Variants in SEMA3A observed in about 807,000 individuals in gnomAD.
SEMA3A encodes semaphorin-3A.
In SEMA3A, 29 loss-of-function variants were observed where a neutral mutation model predicts 97.9. The observed-to-expected ratio is 0.30, with a 90% confidence interval of 0.22 to 0.40. The LOEUF is 0.40. SEMA3A is among the 10% of genes least tolerant of loss of function. The pLI, the probability that SEMA3A is intolerant of heterozygous loss-of-function variation, is 1.00. For missense variants in SEMA3A, 763 were observed against 951.3 expected (o/e 0.80, Z 2.60); for synonymous variants, 321 against 323.7 (o/e 0.99, Z 0.09).
intron 3 of SEMA3A, among the ~76,000 whole-genome samples, chr7:84,271,987 GT>G (rs943016692): frequency 1.3e-5 from 2 of 152,022 alleles, no homozygotes; most frequent in African/African-American, 4.8e-5. Flanking sequence ...GCCACCGTCT[GT>G]TTTTCTCACC....
At chr7:83,963,403 T>A in intron 15 of SEMA3A, 56 bp from the exon 16 acceptor site, 9 of 1,556,040 alleles carry the variant, frequency 5.8e-6, no homozygotes, top group Non-Finnish European at 7.9e-6. Flanking sequence ...ATTTCAACTT[T>A]CCAAAGTTTT....
chr7:84,258,759 G>A (rs950382044), intron 3 of SEMA3A, among the ~76,000 whole-genome samples: 9 of 152,122 alleles, frequency 5.9e-5, no homozygotes, highest in African/African-American at 2.2e-4. Context: ...AGAAAATGGT[G>A]CAATCAAAAT....
chr7:84,246,021 G>T (rs1799468661), intron 3 of SEMA3A, among the ~76,000 whole-genome samples: 1 of 152,192 alleles, frequency 6.6e-6, no homozygotes, highest in Admixed American at 6.5e-5. Flanking sequence ...CCCTGACTGG[G>T]GCTGCTGCCT....
At chr7:84,306,591 A>G (rs946327729) in intron 3 of SEMA3A, 4 of 152,146 alleles carry the variant, frequency 2.6e-5, no homozygotes, top group East Asian at 3.9e-4. Context: ...ACTTTATACA[A>G]TGAAATGAAT....
chr7:84,102,300 G>A (rs1350109046), intron 4 of SEMA3A, among the ~76,000 whole-genome samples: 1 of 152,076 alleles, frequency 6.6e-6, no homozygotes, highest in Non-Finnish European at 1.5e-5. Flanking sequence ...AGAGTTTCTT[G>A]ACTTATTTTT....
rs188145813 is a variant in SEMA3A at position 84,424,501 on chromosome 7, A to T, written c.-245-52601T>A. Among the ~76,000 whole-genome samples the T allele has an allele frequency of 2.1e-3, 204 of 98,560 alleles. 1 individual carries two copies. The highest frequency in any genetic ancestry group is 8.8e-3 in the African/African-American group (203 of 23,136). The allele number at this position is 98,560 out of a possible 152,430, so 64.7% of individuals were successfully genotyped here. ...TATAATATATTGATATATAATATAT[A>T]ATATATAAATATTAATATATGTTAT... On this transcript the variant is annotated intron_variant, in intron 1 of 3. Coordinates refer to the SEMA3A transcript ENST00000424555.
At chr7:84,140,840 G>A (rs559490906) in intron 1 of SEMA3A, among the ~76,000 whole-genome samples, 1 of 152,020 alleles carries the variant, frequency 6.6e-6, no homozygotes, top group Non-Finnish European at 1.5e-5. Context: ...CAAAAGCAAG[G>A]ACTATTTGCT....
At chr7:84,103,903 G>A (rs13236641) in intron 4 of SEMA3A, among the ~76,000 whole-genome samples, 65,019 of 151,790 alleles carry the variant, frequency 0.43, 15,007 homozygotes, top group Admixed American at 0.53. Flanking sequence ...AATTAATGGA[G>A]GCTTTTATGA....
intron 4 of SEMA3A, among the ~76,000 whole-genome samples, chr7:84,084,262 A>G (rs987066945): frequency 1.3e-5 from 2 of 152,116 alleles, no homozygotes; most frequent in African/African-American, 4.8e-5. Flanking sequence ...AGCTGATTAT[A>G]AAGGCCAATG....
intron 1 of SEMA3A, among the ~76,000 whole-genome samples, chr7:84,397,063 A>T (rs912310575): frequency 5.9e-5 from 9 of 152,082 alleles, no homozygotes; most frequent in African/African-American, 2.2e-4. Context: ...ACAAAAATAA[A>T]ATCTTGATTT....
chr7:84,348,389 G>A (rs1351484986), intron 2 of SEMA3A, among the ~76,000 whole-genome samples: 3 of 151,960 alleles, frequency 2.0e-5, no homozygotes, highest in Non-Finnish European at 4.4e-5. Flanking sequence ...TAACATTTCT[G>A]TTTACCTTTT....
chr7:84,261,548 T>A (rs898335245), intron 3 of SEMA3A, among the ~76,000 whole-genome samples: 1 of 152,190 alleles, frequency 6.6e-6, no homozygotes. Context: ...CATCCAGACA[T>A]GGGTGCCCAC....
intron 1 of SEMA3A, among the ~76,000 whole-genome samples, chr7:84,421,261 A>C (rs1425303828): frequency 6.6e-6 from 1 of 152,058 alleles, no homozygotes; most frequent in East Asian, 1.9e-4. Context: ...TCAAACAAAA[A>C]TTTTATATCC....
chr7:84,363,377 G>A lies in SEMA3A; in HGVS notation c.-169+8447C>T, dbSNP rs75639881. ...ACTGCTTTTTCACTCTCGGACATTCGAAAATATATACCCAGGTGCCTTTGC... is the reference window on the plus strand; with the variant it reads ...ACTGCTTTTTCACTCTCGGACATTCAAAAATATATACCCAGGTGCCTTTGC... On this transcript the variant is annotated intron_variant, in intron 2 of 3. Coordinates refer to the SEMA3A transcript ENST00000424555. 0.015 allele frequency among the ~76,000 whole-genome samples: 2,206 copies of A among 151,900 alleles called. 95 individuals are homozygous for A. In the East Asian group the frequency reaches 0.15, roughly 11 times the overall value.
intron 12 of SEMA3A, among the ~76,000 whole-genome samples, chr7:83,994,339 C>T (rs1319587588): frequency 8.5e-6 from 1 of 118,076 alleles, no homozygotes; most frequent in Non-Finnish European, 1.8e-5. Context: ...CTCCATCCAG[C>T]TTTGTTCCGT....
intron 4 of SEMA3A, among the ~76,000 whole-genome samples, chr7:84,084,108 T>C (rs1357808814): frequency 6.6e-6 from 1 of 152,068 alleles, no homozygotes; most frequent in African/African-American, 2.4e-5. Flanking sequence ...TTCAATGCAA[T>C]TTCAGCTGGC....
chr7:84,007,306 TGG>T, intron 10 of SEMA3A, 45 bp downstream of exon 10: 1 of 1,482,120 alleles, frequency 6.7e-7, no homozygotes, highest in South Asian at 1.4e-5. Context: ...TTTTGACCTT[TGG>T]CAGAAATATA....
chr7:84,102,875 C>G (rs1328832862), intron 4 of SEMA3A, among the ~76,000 whole-genome samples: 1 of 152,050 alleles, frequency 6.6e-6, no homozygotes, highest in Non-Finnish European at 1.5e-5. Flanking sequence ...AGTCACTGTG[C>G]CCGGCCTTTT....
chr7:84,201,006 A>G (rs547363425), intron 3 of SEMA3A, among the ~76,000 whole-genome samples: 1 of 152,180 alleles, frequency 6.6e-6, no homozygotes, highest in South Asian at 2.1e-4. Flanking sequence ...GTTTGCTTTC[A>G]GTAAAGGCAT....
Sources: gnomAD v4.1 joint callset for allele counts (sites outside exome capture counted in the v4.1 genomes callset) on GRCh38, gnomAD v4.1.1 for gene constraint, MANE v1.5 for transcripts, NCBI Gene and HGNC (gene_info 2026-07-23, HGNC 2026-07-21) for gene names.